The following CCSER2 variants were observed in gnomAD, a reference collection of about 807,000 sequenced individuals.
CCSER2 encodes serine-rich coiled-coil domain-containing protein 2.
A neutral mutation model predicts 92.3 loss-of-function variants in CCSER2; 46 were observed. The ratio of observed to expected loss-of-function variants is 0.50; its 90% confidence interval spans 0.39 to 0.64. The LOEUF (loss-of-function observed/expected upper bound fraction) is 0.64, where lower values mean the gene tolerates loss of function less well. Among genes scored for constraint, CCSER2 ranks in the 30% least tolerant of loss-of-function variants. The pLI is 0.00. For synonymous variants in CCSER2, 433 were observed against 431.4 expected, an observed-to-expected ratio of 1.00 and a Z score of -0.04; for missense variants, 1,244 against 1,238.9, an observed-to-expected ratio of 1.00 and a Z score of -0.06.
chr10:84,427,070 C>G (rs1187220631), intron 5 of CCSER2, among the ~76,000 whole-genome samples: 1 of 152,076 alleles, frequency 6.6e-6, no homozygotes, highest in African/African-American at 2.4e-5. Context: ...TAGCCATTTT[C>G]CAAAACATAT....
At chr10:84,403,749 T>C (rs368727811) in intron 3 of CCSER2, among the ~76,000 whole-genome samples, 46 of 152,014 alleles carry the variant, frequency 3.0e-4, no homozygotes, top group Non-Finnish European at 3.1e-4. Flanking sequence ...GAATAACCAA[T>C]ATAAAAAATT....
chr10:84,329,733 G>A (rs972948946), intron 1 of CCSER2, among the ~76,000 whole-genome samples: 7 of 152,246 alleles, frequency 4.6e-5, no homozygotes, highest in African/African-American at 1.7e-4. Flanking sequence ...ATGCTCTCCT[G>A]CAAAAGATGG....
rs144088295 is a variant in CCSER2 at position 84,506,796 on chromosome 10, AAAAT to A, written c.2326-6624_2326-6621del. ...GGCAATAGTGCAAGACTCCATCTCA[AAAAT>A]AAATAAATAAATAAATAAATAAATA... On this transcript the variant is annotated intron_variant, in intron 9 of 9. Transcript: ENST00000372088. Among the ~76,000 whole-genome samples the A allele has an allele frequency of 1.5e-3, 229 of 147,956 alleles. 1 individual carries two copies. The highest frequency in any genetic ancestry group is 3.8e-3 in the African/African-American group (150 of 39,592).
At chr10:84,395,916 G>C (rs1445759414) in intron 3 of CCSER2, among the ~76,000 whole-genome samples, 1 of 152,126 alleles carries the variant, frequency 6.6e-6, no homozygotes, top group Non-Finnish European at 1.5e-5. Context: ...TGGGGCCTAG[G>C]TGTGTTCGTT....
chr10:84,447,996 A>G (rs985726966), intron 6 of CCSER2, among the ~76,000 whole-genome samples: 1 of 152,018 alleles, frequency 6.6e-6, no homozygotes, highest in African/African-American at 2.4e-5. Flanking sequence ...ATCCTTATGC[A>G]TGGCTGCTCC....
intron 3 of CCSER2, among the ~76,000 whole-genome samples, chr10:84,381,531 T>C (rs1840903800): frequency 6.6e-6 from 1 of 152,176 alleles, no homozygotes; most frequent in South Asian, 2.1e-4. Flanking sequence ...TTATGCTGAC[T>C]ACCTGCTTTC....
At chr10:84,377,577 C>T (rs192195308) in intron 3 of CCSER2, among the ~76,000 whole-genome samples, 3 of 152,098 alleles carry the variant, frequency 2.0e-5, no homozygotes, top group Non-Finnish European at 4.4e-5. Context: ...GTAAGTCTTC[C>T]AGCTTTGTTC....
At chr10:84,489,427 T>A (rs1848012038) in intron 9 of CCSER2, among the ~76,000 whole-genome samples, 1 of 152,218 alleles carries the variant, frequency 6.6e-6, no homozygotes, top group Admixed American at 6.5e-5. Flanking sequence ...TGCTCCTGTA[T>A]TGGGTGCATA....
At chr10:84,415,871 C>T (rs1842864360) in intron 3 of CCSER2, among the ~76,000 whole-genome samples, 2 of 152,112 alleles carry the variant, frequency 1.3e-5, no homozygotes, top group Admixed American at 1.3e-4. Flanking sequence ...GTCAGTGGGT[C>T]TTAACGTGTA....
At chr10:84,413,477 G>A (rs1047715483) in intron 3 of CCSER2, among the ~76,000 whole-genome samples, 4 of 152,112 alleles carry the variant, frequency 2.6e-5, no homozygotes, top group East Asian at 1.9e-4. Context: ...TCCCAATCTC[G>A]AGTTCTAATT....
At chr10:84,440,509 CAG>C (rs1183262332) in intron 6 of CCSER2, among the ~76,000 whole-genome samples, 4 of 152,090 alleles carry the variant, frequency 2.6e-5, no homozygotes, top group African/African-American at 9.7e-5. Flanking sequence ...ATGAAAAAAA[CAG>C]TATGTCTGGC....
At chr10:84,342,703 C>G (rs916350022) in intron 1 of CCSER2, among the ~76,000 whole-genome samples, 1 of 151,442 alleles carries the variant, frequency 6.6e-6, no homozygotes, top group African/African-American at 2.4e-5. Context: ...TTTTTTTTTG[C>G]GTTGTGTACT....
intron 5 of CCSER2, among the ~76,000 whole-genome samples, chr10:84,427,380 C>T (rs559140522): frequency 5.9e-5 from 9 of 152,280 alleles, no homozygotes; most frequent in African/African-American, 2.2e-4. Flanking sequence ...TCCTCTAAGA[C>T]GAGCCTTACC....
chr10:84,487,938 T>C (rs1052112036), intron 9 of CCSER2, among the ~76,000 whole-genome samples: 1 of 152,224 alleles, frequency 6.6e-6, no homozygotes, highest in African/African-American at 2.4e-5. Context: ...TATTGAGAGT[T>C]TTTAGCATGA....
intron 3 of CCSER2, chr10:84,391,424 C>G (rs576064133): frequency 6.5e-7 from 1 of 1,546,848 alleles, no homozygotes; most frequent in African/African-American, 1.4e-5. Context: ...GCTAGAAGTT[C>G]GACAGAGTTA....
chr10:84,400,663 C>T (rs959027225), intron 3 of CCSER2, among the ~76,000 whole-genome samples: 1 of 152,152 alleles, frequency 6.6e-6, no homozygotes, highest in East Asian at 1.9e-4. Context: ...CCTGTAATCC[C>T]AGCACTTTGG....
At chr10:84,473,844 T>C (rs1431746206) in intron 8 of CCSER2, among the ~76,000 whole-genome samples, 1 of 152,198 alleles carries the variant, frequency 6.6e-6, no homozygotes, top group Non-Finnish European at 1.5e-5. Context: ...TTATCCAAAA[T>C]GTGAAGGTTT....
rs1257733967 is a variant in CCSER2 at position 84,408,857 on chromosome 10, A to G, written c.1615-8914A>G. On this transcript the variant is annotated intron_variant, in intron 3 of 9. Coordinates refer to ENST00000372088, the MANE Select transcript of CCSER2 (RefSeq NM_001284240.2). ...TCAGACACACATACACAAACAGCCAAATGTTTCTTGAGAGGATATGATTTT... is the reference window on the plus strand; with the variant it reads ...TCAGACACACATACACAAACAGCCAGATGTTTCTTGAGAGGATATGATTTT... 4.6e-5 allele frequency among the ~76,000 whole-genome samples: 7 copies of G among 152,140 alleles called. No individual in the cohort carries two copies. The South Asian group carries it at 1.2e-3, about 27-fold the overall frequency.
chr10:84,384,564 T>TA (rs1841085743), intron 3 of CCSER2, among the ~76,000 whole-genome samples: 1 of 152,208 alleles, frequency 6.6e-6, no homozygotes, highest in South Asian at 2.1e-4. Context: ...TTTGATAAAA[T>TA]ACAGCATCCC....
Sources: gnomAD v4.1 joint callset for allele counts (sites outside exome capture counted in the v4.1 genomes callset) on GRCh38, gnomAD v4.1.1 for gene constraint, MANE v1.5 for transcripts, NCBI Gene and HGNC (gene_info 2026-07-23, HGNC 2026-07-21) for gene names.